Variants in ACOXL observed in about 807,000 individuals in gnomAD.
ACOXL encodes the protein acyl-CoA oxidase like.
ACOXL carries 70 observed loss-of-function variants against 71.9 expected under a neutral mutation model. The observed-to-expected ratio is 0.97, with a 90% confidence interval of 0.80 to 1.19. The LOEUF (loss-of-function observed/expected upper bound fraction) is 1.19, where lower values mean the gene tolerates loss of function less well. Among genes scored for constraint, ACOXL ranks in the 50% most tolerant of loss-of-function variants. ACOXL has a pLI of 0.00. For missense variants in ACOXL, 703 were observed against 736.3 expected (o/e 0.95, Z 0.52); for synonymous variants, 253 against 281.6 (o/e 0.90, Z 1.02).
At chr2:111,067,443 C>T (rs1273164915) in intron 16 of ACOXL, among the ~76,000 whole-genome samples, 5 of 151,902 alleles carry the variant, frequency 3.3e-5, no homozygotes, top group African/African-American at 1.2e-4. Flanking sequence ...CATTAGAAAA[C>T]AGTAGGTTGG....
intron 10 of ACOXL, among the ~76,000 whole-genome samples, chr2:110,895,569 A>G (rs1425371314): frequency 6.6e-6 from 1 of 152,152 alleles, no homozygotes; most frequent in Non-Finnish European, 1.5e-5. Flanking sequence ...AAAGAAGCTA[A>G]GCAAACCTCA....
intron 11 of ACOXL, among the ~76,000 whole-genome samples, chr2:110,915,737 AT>A (rs1258264008): frequency 6.6e-6 from 1 of 151,724 alleles, no homozygotes; most frequent in Non-Finnish European, 1.5e-5. Flanking sequence ...CATATTATAT[AT>A]TTTTTATATT....
intron 10 of ACOXL, among the ~76,000 whole-genome samples, chr2:110,863,742 G>A (rs1559360655): frequency 6.6e-6 from 1 of 152,046 alleles, no homozygotes; most frequent in Non-Finnish European, 1.5e-5. Flanking sequence ...CACAGCCCAT[G>A]TACTTTATGT....
intron 11 of ACOXL, among the ~76,000 whole-genome samples, chr2:110,918,868 A>T (rs1464356968): frequency 6.6e-6 from 1 of 152,216 alleles, no homozygotes; most frequent in East Asian, 1.9e-4. Context: ...ATCTCACGCC[A>T]GTTAGAATGG....
chr2:110,997,147 T>C (rs1451688042), intron 14 of ACOXL, among the ~76,000 whole-genome samples: 2 of 152,098 alleles, frequency 1.3e-5, no homozygotes, highest in Non-Finnish European at 1.5e-5. Context: ...GAAAATGCAA[T>C]CTGTAAACTG....
chr2:111,074,144 G>A (rs35644645), intron 16 of ACOXL, among the ~76,000 whole-genome samples: 12,211 of 151,220 alleles, frequency 0.081, 612 homozygotes, highest in Non-Finnish European at 0.11. Flanking sequence ...AGGGCATGTC[G>A]GGGGACATTT....
intron 15 of ACOXL, among the ~76,000 whole-genome samples, chr2:111,037,726 G>A (rs1299707586): frequency 3.3e-5 from 5 of 152,156 alleles, no homozygotes; most frequent in Non-Finnish European, 1.5e-5. Context: ...GGGGTCACAC[G>A]CTAATAAGCT....
At chr2:111,004,869 T>C (rs529890781) in intron 14 of ACOXL, among the ~76,000 whole-genome samples, 2 of 152,310 alleles carry the variant, frequency 1.3e-5, no homozygotes, top group South Asian at 4.1e-4. Flanking sequence ...TCTGTGTTTG[T>C]TAGGTTTTTA....
chr2:110,943,796 C>A (rs922734424), intron 12 of ACOXL, among the ~76,000 whole-genome samples: 1 of 152,068 alleles, frequency 6.6e-6, no homozygotes, highest in Non-Finnish European at 1.5e-5. Flanking sequence ...GGGCCCCAGA[C>A]CCAGGTATGT....
intron 11 of ACOXL, among the ~76,000 whole-genome samples, chr2:110,917,507 C>A (rs2059908926): frequency 6.6e-6 from 1 of 152,182 alleles, no homozygotes; most frequent in African/African-American, 2.4e-5. Context: ...ACAAGGATGC[C>A]CTCTCTCACC....
intron 1 of ACOXL, among the ~76,000 whole-genome samples, chr2:110,741,155 A>G (rs1038889999): frequency 2.0e-5 from 3 of 152,156 alleles, no homozygotes; most frequent in Admixed American, 1.3e-4. Context: ...TCAAGCAGTG[A>G]TTTCCAGTGT....
intron 10 of ACOXL, among the ~76,000 whole-genome samples, chr2:110,877,875 TC>T (rs1010904344): frequency 2.7e-4 from 41 of 152,316 alleles, no homozygotes; most frequent in African/African-American, 9.6e-4. Flanking sequence ...ATGCGTTGCA[TC>T]TGGGGAGAGC....
chr2:110,858,410 C>T (rs17465210), intron 10 of ACOXL, among the ~76,000 whole-genome samples: 14 of 151,914 alleles, frequency 9.2e-5, no homozygotes, highest in African/African-American at 2.7e-4. Flanking sequence ...TCCCTTCTCA[C>T]GCTGATGAGG....
At chr2:110,789,616 A>G (rs1407400582) in intron 3 of ACOXL, among the ~76,000 whole-genome samples, 1 of 152,098 alleles carries the variant, frequency 6.6e-6, no homozygotes, top group Non-Finnish European at 1.5e-5. Flanking sequence ...CACCAATCCC[A>G]TTATTGGAGT....
intron 13 of ACOXL, among the ~76,000 whole-genome samples, chr2:110,989,348 T>C (rs1175659864): frequency 6.6e-6 from 1 of 152,178 alleles, no homozygotes; most frequent in East Asian, 1.9e-4. Context: ...TCTTTGTGTA[T>C]TTTTGATCCA....
chr2:110,805,507 C>G, intron 9 of ACOXL, 112 bp downstream of exon 9: 1 of 1,448,274 alleles, frequency 6.9e-7, no homozygotes, highest in African/African-American at 1.4e-5. Context: ...TATAATATGG[C>G]CAGGGTTCCC....
intron 12 of ACOXL, among the ~76,000 whole-genome samples, chr2:110,969,879 A>C (rs921720924): frequency 6.6e-6 from 1 of 152,136 alleles, no homozygotes; most frequent in Non-Finnish European, 1.5e-5. Context: ...ACTTAGAGGA[A>C]ATGGACCAGT....
intron 10 of ACOXL, among the ~76,000 whole-genome samples, chr2:110,866,423 T>C (rs1420989645): frequency 6.6e-6 from 1 of 151,984 alleles, no homozygotes; most frequent in Non-Finnish European, 1.5e-5. Flanking sequence ...CTCAGTTAAG[T>C]GAGTCATTTA....
intron 10 of ACOXL, among the ~76,000 whole-genome samples, chr2:110,901,568 G>T (rs1355040609): frequency 6.6e-6 from 1 of 152,058 alleles, no homozygotes; most frequent in Admixed American, 6.5e-5. Context: ...GGCACTTTGA[G>T]AACTCTTTCC....
Sources: allele counts gnomAD v4.1 joint callset (sites outside exome capture counted in the v4.1 genomes callset), GRCh38; gene constraint gnomAD v4.1.1; transcripts MANE v1.5; gene names NCBI Gene and HGNC (gene_info 2026-07-23, HGNC 2026-07-21).